Variants in PCDHGA3 observed in about 807,000 individuals in gnomAD.
The protein encoded by PCDHGA3 is protocadherin gamma-A3.
Under a neutral mutation model 58.5 loss-of-function variants are expected in PCDHGA3, and 40 were observed. That is an observed-to-expected ratio of 0.68 (90% confidence interval 0.53 to 0.89). The LOEUF (loss-of-function observed/expected upper bound fraction) is 0.89, where lower values mean the gene tolerates loss of function less well. PCDHGA3 is among the 40% of genes least tolerant of loss of function. The pLI, the probability that PCDHGA3 is intolerant of heterozygous loss-of-function variation, is 0.00. For missense variants in PCDHGA3, 1,223 were observed against 1,195.9 expected, an observed-to-expected ratio of 1.02 and a Z score of -0.33; for synonymous variants, 530 against 525.7, an observed-to-expected ratio of 1.01 and a Z score of -0.11.
chr5:141,393,744 G>T (rs770821376), intron 1 of PCDHGA3: 3 of 1,613,868 alleles, frequency 1.9e-6, no homozygotes, highest in South Asian at 2.2e-5. Context: ...AGATTATGAA[G>T]AATGTTCATT....
chr5:141,463,388 C>T (rs1470533734), intron 1 of PCDHGA3, among the ~76,000 whole-genome samples: 1 of 150,092 alleles, frequency 6.7e-6, no homozygotes, highest in Non-Finnish European at 1.5e-5. Flanking sequence ...AAAGTTGTCT[C>T]CAGGCAAAAA....
intron 1 of PCDHGA3, chr5:141,399,783 C>T: frequency 6.2e-7 from 1 of 1,613,300 alleles, no homozygotes; most frequent in Non-Finnish European, 8.5e-7. Context: ...GCGACCGAAA[C>T]GACAACGCAC....
At chr5:141,374,221 C>T (rs1290951545) in intron 1 of PCDHGA3, 12 of 1,613,878 alleles carry the variant, frequency 7.4e-6, no homozygotes, top group African/African-American at 6.7e-5. Flanking sequence ...CCTTCGTAGG[C>T]AACATCGTCA....
chr5:141,491,571 C>G lies in PCDHGA3; in HGVS notation c.2425-3236C>G. The G allele has an allele frequency of 6.2e-7, 1 of 1,614,026 alleles. No individual in the cohort carries two copies. The highest frequency in any genetic ancestry group is 8.5e-7 in the Non-Finnish European group (1 of 1,180,042). ...CGCAGAGCCACTGCTACAGGACGTG[C>G]TTTTCACCGGCCTCGGACGGCAGTG... On this transcript the variant is annotated intron_variant, in intron 1 of 3. Transcript: ENST00000253812. This position sits in a 1 kb window ranked among gnomAD's most constrained non-coding sequence, Gnocchi z 6.9.
intron 1 of PCDHGA3, among the ~76,000 whole-genome samples, chr5:141,473,096 G>A (rs1007912058): frequency 9.9e-5 from 15 of 152,058 alleles, no homozygotes; most frequent in African/African-American, 3.6e-4. Context: ...ACTGTGAGTT[G>A]TATTACCACA....
Position 141,419,438 on chromosome 5 carries a change from A to G in PCDHGA3, c.2424+72981A>G, listed in dbSNP as rs764801455. On this transcript the variant is annotated intron_variant, in intron 1 of 3. Coordinates refer to ENST00000253812, the MANE Select transcript of PCDHGA3 (RefSeq NM_018916.4). ...CGCCTTCGACCACGAGCAGCTGCGC[A>G]CCTTCGAGCTCACGCTGCAGGCCCG... 8 of 1,613,138 alleles carry G rather than the reference A, an allele frequency of 5.0e-6. No homozygotes were observed. The highest frequency in any genetic ancestry group is 4.4e-5 in the South Asian group (4 of 91,044).
chr5:141,404,617 G>A (rs760355068), intron 1 of PCDHGA3: 4 of 1,614,032 alleles, frequency 2.5e-6, no homozygotes, highest in Non-Finnish European at 2.5e-6. Flanking sequence ...TTTTGGACCA[G>A]AATGACAATG....
Position 141,393,015 on chromosome 5 carries a change from T to C in PCDHGA3, c.2424+46558T>C, listed in dbSNP as rs755462760. On this transcript the variant is annotated intron_variant, in intron 1 of 3. Transcript: ENST00000253812. The stretch of plus-strand genomic sequence containing the variant: ...GGCGAAGCACGGAGTCCGTATCGTC[T>C]CCAGAGGTAGGACGCAGCTCTTTGC... The C allele has an allele frequency of 7.9e-5, 127 of 1,613,696 alleles. No homozygotes were observed. The highest frequency in any genetic ancestry group is 1.1e-4 in the Non-Finnish European group (124 of 1,179,874).
intron 1 of PCDHGA3, chr5:141,376,580 C>G (rs1351878933): frequency 1.3e-6 from 2 of 1,589,974 alleles, no homozygotes; most frequent in South Asian, 1.1e-5. Flanking sequence ...ACAGGCTCAT[C>G]AGCTAGATCG....
chr5:141,374,846 C>G, intron 1 of PCDHGA3: 1 of 1,613,842 alleles, frequency 6.2e-7, no homozygotes, highest in Non-Finnish European at 8.5e-7. Context: ...TCCTGAAAAC[C>G]TGCCAGTAGG....
At chr5:141,474,345 G>A (rs541613646) in intron 1 of PCDHGA3, among the ~76,000 whole-genome samples, 7 of 152,124 alleles carry the variant, frequency 4.6e-5, no homozygotes, top group African/African-American at 7.2e-5. Flanking sequence ...TTGTTAAAAT[G>A]TAAGTCATGT....
At chr5:141,376,267 G>A (rs1021502624) in intron 1 of PCDHGA3, 6 of 1,614,210 alleles carry the variant, frequency 3.7e-6, no homozygotes, top group Non-Finnish European at 5.1e-6. Context: ...TGCAGGCTTC[G>A]GGAGGTGGCT....
intron 1 of PCDHGA3, chr5:141,415,403 A>C (rs757508926): frequency 4.3e-6 from 7 of 1,614,082 alleles, no homozygotes; most frequent in Non-Finnish European, 4.2e-6. Context: ...TCCGGCTCGC[A>C]CTTTGTGGGC....
chr5:141,375,769 C>T, intron 1 of PCDHGA3: 1 of 1,614,238 alleles, frequency 6.2e-7, no homozygotes, highest in Non-Finnish European at 8.5e-7. Flanking sequence ...CGCCCGAGAT[C>T]CTGTACCCCG....
In PCDHGA3 at chr5:141,506,418, G is replaced by A. The variant is rs2099853241; in HGVS notation, c.2572+937G>A. Among the ~76,000 whole-genome samples, 3 of 141,160 alleles carry A rather than the reference G, an allele frequency of 2.1e-5. No homozygotes were observed. The South Asian group carries it at 6.6e-4, about 31-fold the overall frequency. 92.6% of individuals were successfully genotyped at this position (141,160 alleles called of 152,430 possible). The stretch of plus-strand genomic sequence containing the variant: ...CAGAAAATCGCACCACTGCACTCCA[G>A]CCTGGGCAACAGTCTCGCTCTGTCT... On this transcript the variant is annotated intron_variant, in intron 3 of 3. Coordinates refer to ENST00000253812, the MANE Select transcript of PCDHGA3 (RefSeq NM_018916.4).
rs1020682392 is a variant in PCDHGA3 at position 141,371,814 on chromosome 5, G to A, written c.2424+25357G>A. 2.5e-6 allele frequency: 4 copies of A among 1,613,774 alleles called. No individual in the cohort carries two copies. In the East Asian group the frequency reaches 6.7e-5, roughly 27 times the overall value. Reference sequence around the variant, plus strand: ...TCCGCCTGGAGCCTCCATTGCGCATGTCAGAGCCTCGGATCCCGACTTGGG... The same window carrying A: ...TCCGCCTGGAGCCTCCATTGCGCATATCAGAGCCTCGGATCCCGACTTGGG... On this transcript the variant is annotated intron_variant, in intron 1 of 3. Transcript: ENST00000253812.
intron 1 of PCDHGA3, chr5:141,428,769 T>A (rs1367357065): frequency 6.5e-6 from 1 of 154,242 alleles, no homozygotes; most frequent in Non-Finnish European, 1.4e-5. Flanking sequence ...TTGCCCACTC[T>A]TAATATTTCC....
chr5:141,370,845 A>T, intron 1 of PCDHGA3: 1 of 1,614,066 alleles, frequency 6.2e-7, no homozygotes, highest in South Asian at 1.1e-5. Flanking sequence ...CACTGGAGCC[A>T]CATTTGCCCT....
At chr5:141,415,688 T>C (rs373105795) in intron 1 of PCDHGA3, 1 of 1,546,006 alleles carries the variant, frequency 6.5e-7, no homozygotes, top group Admixed American at 2.0e-5. Context: ...GGCATGATGG[T>C]GGAAAGTGTA....
Sources: allele counts gnomAD v4.1 joint callset (sites outside exome capture counted in the v4.1 genomes callset), GRCh38; gene constraint gnomAD v4.1.1; non-coding constraint Gnocchi (gnomAD v3.1); transcripts MANE v1.5; gene names NCBI Gene and HGNC (gene_info 2026-07-23, HGNC 2026-07-21).